The following EML5 variants were observed in gnomAD, a reference collection of about 807,000 sequenced individuals.
The protein encoded by EML5 is EMAP like 5.
A neutral mutation model predicts 250.0 loss-of-function variants in EML5; 120 were observed. The ratio of observed to expected loss-of-function variants is 0.48; its 90% CI spans 0.41 to 0.56. The LOEUF is 0.56. Ranked by LOEUF, EML5 falls within the 20% of genes least tolerant of loss-of-function variation. The pLI, the probability that EML5 is intolerant of heterozygous loss-of-function variation, is 0.00. For missense variants in EML5, 2,006 were observed against 2,437.6 expected, an observed-to-expected ratio of 0.82 and a Z score of 3.73; for synonymous variants, 771 against 806.5, an observed-to-expected ratio of 0.96 and a Z score of 0.75.
intron 7 of EML5, among the ~76,000 whole-genome samples, chr14:88,731,282 A>C: frequency 8.2e-6 from 1 of 122,136 alleles, no homozygotes; most frequent in South Asian, 2.7e-4. Flanking sequence ...AAGTGTTCTC[A>C]TTTTTCAATT....
chr14:88,657,291 T>C, intron 27 of EML5, 85 bp downstream of exon 27: 1 of 1,313,782 alleles, frequency 7.6e-7, no homozygotes, highest in Non-Finnish European at 1.0e-6. Flanking sequence ...GTTACTTAGT[T>C]TGTGTAAAAA....
rs1043588427 is a variant in EML5, at chr14:88,612,554, T to C, written c.*3264A>G. ...ACATACTGTATCTGAAAACAGACTT[T>C]AAAGTCACAAGATTATAAATGTACA... On this transcript the variant is annotated 3_prime_UTR_variant, in exon 44 of 44. Coordinates refer to ENST00000554922, the MANE Select transcript of EML5 (RefSeq NM_183387.3). 4.6e-5 allele frequency: 7 copies of C among 152,598 alleles called. No homozygotes were observed. The highest frequency in any genetic ancestry group is 1.7e-4 in the African/African-American group (7 of 41,458). 9.5% of individuals were successfully genotyped at this position (152,598 alleles called of 1,614,324 possible).
intron 1 of EML5, among the ~76,000 whole-genome samples, chr14:88,774,335 A>G (rs2094427324): frequency 6.6e-6 from 1 of 152,216 alleles, no homozygotes; most frequent in Non-Finnish European, 1.5e-5. Context: ...TTTTTTAATA[A>G]CCAAGTAAAG....
chr14:88,662,944 G>A (rs573910386), intron 24 of EML5, 87 bp downstream of exon 24: 68 of 912,752 alleles, frequency 7.4e-5, no homozygotes, highest in South Asian at 5.2e-4. Flanking sequence ...CAGACTTCAC[G>A]TGTAACTAAA....
chr14:88,703,012 G>A (rs1488096444), intron 13 of EML5, among the ~76,000 whole-genome samples: 2 of 152,044 alleles, frequency 1.3e-5, no homozygotes, highest in African/African-American at 2.4e-5. Context: ...CTCCCAAAGT[G>A]CTGGGATTAC....
At chr14:88,676,048 A>T (rs1434800147) in intron 21 of EML5, among the ~76,000 whole-genome samples, 1 of 152,162 alleles carries the variant, frequency 6.6e-6, no homozygotes, top group African/African-American at 2.4e-5. Flanking sequence ...CAAGTCTCTA[A>T]GAAGTTCCAA....
At chr14:88,762,236 C>G (rs548056830) in intron 1 of EML5, among the ~76,000 whole-genome samples, 1 of 152,222 alleles carries the variant, frequency 6.6e-6, no homozygotes, top group Middle Eastern at 3.4e-3. Flanking sequence ...ACGGGCCATG[C>G]GTAGTGGCTC....
chr14:88,669,352 C>G (rs1214106336), intron 21 of EML5, among the ~76,000 whole-genome samples: 1 of 152,118 alleles, frequency 6.6e-6, no homozygotes, highest in Non-Finnish European at 1.5e-5. Flanking sequence ...GCTCCCTGGG[C>G]GAGGGGCAGC....
intron 10 of EML5, among the ~76,000 whole-genome samples, chr14:88,707,028 C>T (rs1308410134): frequency 2.0e-5 from 3 of 152,058 alleles, no homozygotes; most frequent in Non-Finnish European, 2.9e-5. Context: ...TAAAAAAAAT[C>T]TTTCAATTTG....
At chr14:88,666,507 T>C (rs1440408627) in intron 21 of EML5, among the ~76,000 whole-genome samples, 1 of 152,164 alleles carries the variant, frequency 6.6e-6, no homozygotes, top group East Asian at 1.9e-4. Flanking sequence ...ATTACAGGCA[T>C]GAGCCACAGC....
chr14:88,659,813 T>G (rs1196986702), intron 25 of EML5, among the ~76,000 whole-genome samples: 1 of 152,218 alleles, frequency 6.6e-6, no homozygotes, highest in African/African-American at 2.4e-5. Flanking sequence ...ATGAGAATTT[T>G]TAAACCTGTG....
chr14:88,756,580 C>T (rs2094162984), intron 1 of EML5, among the ~76,000 whole-genome samples: 2 of 151,892 alleles, frequency 1.3e-5, no homozygotes, highest in Admixed American at 1.3e-4. Flanking sequence ...TACAGAAAAT[C>T]CTAAGGAATC....
intron 17 of EML5, among the ~76,000 whole-genome samples, chr14:88,689,791 T>G (rs1343039272): frequency 6.6e-6 from 1 of 152,160 alleles, no homozygotes; most frequent in Non-Finnish European, 1.5e-5. Flanking sequence ...CCAGGCACTA[T>G]TCAATGTACC....
rs867457531 is a variant in EML5 at position 88,665,619 on chromosome 14, G to A, written c.3125-130C>T. 1.2e-4 allele frequency: 144 copies of A among 1,245,156 alleles called. 1 individual carries two copies. In the Middle Eastern group the frequency reaches 1.6e-3, roughly 13 times the overall value. 77.1% of individuals were successfully genotyped at this position (1,245,156 alleles called of 1,614,324 possible). The stretch of plus-strand genomic sequence containing the variant: ...AGGCAGGAGGACTGCCCGCGGCCAG[G>A]AGGTTAAGACCAGCCCGGGCAACAT... On this transcript the variant is annotated intron_variant, in intron 21 of 43. Coordinates refer to ENST00000554922, the MANE Select transcript of EML5 (RefSeq NM_183387.3).
intron 21 of EML5, among the ~76,000 whole-genome samples, chr14:88,669,675 G>T (rs1232518231): frequency 6.6e-6 from 1 of 152,182 alleles, no homozygotes; most frequent in Non-Finnish European, 1.5e-5. Flanking sequence ...CAGCTCTGAG[G>T]AATCTGGGCA....
rs188655000 is a variant in EML5 at position 88,682,204 on chromosome 14, T to C, written c.2983-173A>G. On this transcript the variant is annotated intron_variant, in intron 20 of 43. Transcript: ENST00000554922. ...TCTTTGGGAAACACAATAAAATACC[T>C]CTGTAACAACTTTAGCTCCACAATT... Among the ~76,000 whole-genome samples, 92 of 152,210 alleles carry C rather than the reference T, an allele frequency of 6.0e-4. 1 individual carries two copies. In the East Asian group the frequency reaches 0.016, roughly 26 times the overall value.
chr14:88,789,474 G>A (rs1299888657), intron 1 of EML5, among the ~76,000 whole-genome samples: 1 of 151,984 alleles, frequency 6.6e-6, no homozygotes, highest in African/African-American at 2.4e-5. Context: ...AATGTCATGT[G>A]GCACCACCAC....
At chr14:88,650,629 A>T (rs1317886196) in intron 27 of EML5, among the ~76,000 whole-genome samples, 5 of 151,444 alleles carry the variant, frequency 3.3e-5, no homozygotes. Flanking sequence ...ATTGTTTTTA[A>T]TTTTTTTTTC....
At chr14:88,677,831 CT>C (rs1187736857) in intron 21 of EML5, among the ~76,000 whole-genome samples, 1 of 152,192 alleles carries the variant, frequency 6.6e-6, no homozygotes, top group Non-Finnish European at 1.5e-5. Flanking sequence ...AATAGGAACA[CT>C]TTTACTCTGT....
Sources: gnomAD v4.1 joint callset for allele counts (sites outside exome capture counted in the v4.1 genomes callset) on GRCh38, gnomAD v4.1.1 for gene constraint, MANE v1.5 for transcripts, NCBI Gene and HGNC (gene_info 2026-07-23, HGNC 2026-07-21) for gene names.